The following FGF17 variants were observed in gnomAD, a reference collection of about 807,000 sequenced individuals.
FGF17 encodes fibroblast growth factor 17.
FGF17 carries 5 observed loss-of-function variants against 23.5 expected under a neutral mutation model. The observed-to-expected ratio is 0.21, with a 90% CI of 0.11 to 0.45. The LOEUF (loss-of-function observed/expected upper bound fraction) is 0.45. FGF17 is among the 20% of genes least tolerant of loss of function. FGF17 has a pLI of 0.99. For missense variants in FGF17, 221 were observed against 306.9 expected, an observed-to-expected ratio of 0.72 and a Z score of 2.09; for synonymous variants, 136 against 123.0, an observed-to-expected ratio of 1.11 and a Z score of -0.70.
At chr8:22,041,659 T>C (rs1333829638), upstream of FGF17, among the ~76,000 whole-genome samples, 1 of 152,186 alleles carries the variant, frequency 6.6e-6, no homozygotes, top group Non-Finnish European at 1.5e-5. Context: ...ATCCCTACAA[T>C]GAAGCAGGTT....
In FGF17 at chr8:22,043,157, G is replaced by A. The variant is rs1800770803; in HGVS notation, c.48G>A (p.Leu16=). ...TCTCCCCACACAGGTGCTTACAGCTGCTGATTCTCTGCTGTCAAACTCAGG... is the reference window on the plus strand; with the variant it reads ...TCTCCCCACACAGGTGCTTACAGCTACTGATTCTCTGCTGTCAAACTCAGG... ...LLPNLTLCLQ[L]LILCCQTQGE... The change falls in exon 2 of 5, where the codon CTG becomes CTA. Residue 16 remains leucine (L), a synonymous_variant. Transcript: ENST00000359441. The A allele has an allele frequency of 2.5e-6, 4 of 1,613,880 alleles. No individual in the cohort carries two copies. Among genetic ancestry groups the A allele is most frequent in the Non-Finnish European group, 2.5e-6 (3 of 1,180,018 alleles).
chr8:22,046,082 T>C (rs780279511), intron 2 of FGF17, 32 bp from the exon 3 acceptor site: 20 of 1,613,968 alleles, frequency 1.2e-5, no homozygotes, highest in African/African-American at 2.7e-5. Flanking sequence ...CCAAAGCAAA[T>C]TGACACTATT....
chr8:22,047,565 C>T (rs1800944003), intron 4 of FGF17, among the ~76,000 whole-genome samples: 1 of 152,196 alleles, frequency 6.6e-6, no homozygotes, highest in Non-Finnish European at 1.5e-5. Context: ...GCACTGGCAC[C>T]CTTCTTTCTT....
At position 22,043,175 on chromosome 8, in the gene FGF17, A is replaced by C. The variant is rs754914249; in HGVS notation, c.66A>C (p.Gln22His). ...LCLQLLILCC[Q>H]TQGENHPSPN... ...TACAGCTGCTGATTCTCTGCTGTCA[A>C]ACTCAGGTAGGCGGGCATTCCCACC... is the stretch of plus-strand genomic sequence containing the variant. The change falls in exon 2 of 5, where the codon CAA (glutamine) becomes CAC (histidine). Residue 22 changes from glutamine to histidine, a missense_variant. Physicochemically the swap from Gln to His is conservative, Grantham distance 24 (BLOSUM62 0). Coordinates refer to ENST00000359441, the MANE Select transcript of FGF17 (RefSeq NM_003867.4). 3.3e-5 allele frequency: 53 copies of C among 1,613,586 alleles called. 1 individual carries two copies. In the South Asian group the frequency reaches 5.7e-4, roughly 17 times the overall value.
At chr8:22,042,805 C>A (rs541682269), upstream of FGF17, 2 of 910,200 alleles carry the variant, frequency 2.2e-6, no homozygotes, top group South Asian at 2.9e-5. Flanking sequence ...CTCCTCCTCG[C>A]CCCCCTGAAA....
chr8:22,042,949 G>A lies in FGF17; in HGVS notation c.21G>A (p.Leu7=). The A allele has an allele frequency of 6.2e-7, 1 of 1,613,408 alleles. No homozygotes were observed. Among genetic ancestry groups the A allele is most frequent in the Non-Finnish European group, 8.5e-7 (1 of 1,179,782 alleles). Residue 7 remains leucine, a synonymous_variant, in exon 1 of 5, where the codon CTG becomes CTA. Transcript: ENST00000359441. MGAARL[L]PNLTLCLQLL... is the part of the protein sequence containing the mutation. The stretch of plus-strand genomic sequence containing the variant: ...CAGCGATGGGAGCCGCCCGCCTGCT[G>A]CCCAACCTCACTCTGTAAGTGTGCT...
At chr8:22,045,862 C>T (rs1800853340) in intron 2 of FGF17, 1 of 1,399,640 alleles carries the variant, frequency 7.1e-7, no homozygotes, top group African/African-American at 1.4e-5. Context: ...GATTCCAGGG[C>T]TGTGCTCTGT....
At position 22,043,192 on chromosome 8, in the gene FGF17, A is replaced by C. The variant is rs190030914; in HGVS notation, c.72+11A>C. ...TGCTGTCAAACTCAGGTAGGCGGGC[A>C]TTCCCACCGGCTTTCCCCCAATTTT... On this transcript the variant is annotated intron_variant, in intron 2 of 4. Coordinates refer to ENST00000359441, the MANE Select transcript of FGF17 (RefSeq NM_003867.4). 9.3e-6 allele frequency: 15 copies of C among 1,613,080 alleles called. No homozygotes were observed. In the African/African-American group the frequency reaches 2.0e-4, roughly 21 times the overall value.
intron 2 of FGF17, chr8:22,045,883 C>A: frequency 7.0e-7 from 1 of 1,432,966 alleles, no homozygotes; most frequent in East Asian, 2.6e-5. Context: ...CAATAAGTGT[C>A]CCCCAGCCTG....
At chr8:22,045,024 T>A (rs1324901438) in intron 2 of FGF17, 1 of 985,440 alleles carries the variant, frequency 1.0e-6, no homozygotes, top group Non-Finnish European at 1.2e-6. Context: ...AAAAGGTACA[T>A]TCTCATGCTA....
At chr8:22,045,701 T>A in intron 2 of FGF17, 1 of 1,108,290 alleles carries the variant, frequency 9.0e-7, no homozygotes, top group Non-Finnish European at 1.1e-6. Context: ...ATGGAGCATG[T>A]CCTTGGAGTT....
upstream of FGF17, chr8:22,042,541 C>T (rs1800755158): frequency 2.9e-6 from 1 of 339,166 alleles, no homozygotes. Flanking sequence ...CGAGTTTGGC[C>T]AGTCTGTGAG....
intron 2 of FGF17, chr8:22,044,830 GGT>G: frequency 1.0e-6 from 1 of 985,562 alleles, no homozygotes; most frequent in South Asian, 4.7e-5. Context: ...CTGCCTCAAA[GGT>G]GATATTTCCC....
At position 22,046,272 on chromosome 8, in the gene FGF17, C is replaced by A. The variant is rs566797798; in HGVS notation, c.231C>A (p.Ala77=). The part of the protein sequence containing the change: ...QVTGRRISAT[A]EDGNKFAKLI... Reference sequence around the variant, plus strand: ...CCGGGCGTCGCATCTCCGCCACCGCCGAGGACGGCAACAAGTTTGGTGAGA... The same window carrying A: ...CCGGGCGTCGCATCTCCGCCACCGCAGAGGACGGCAACAAGTTTGGTGAGA... The change falls in exon 3 of 5, where the codon GCC becomes GCA. Residue 77 remains alanine, a synonymous_variant. Transcript: ENST00000359441. 3.7e-6 allele frequency: 6 copies of A among 1,613,478 alleles called. No homozygotes were observed. The highest frequency in any genetic ancestry group is 2.7e-5 in the African/African-American group (2 of 74,952).
chr8:22,041,946 A>G (rs1800746264), upstream of FGF17, among the ~76,000 whole-genome samples: 1 of 152,224 alleles, frequency 6.6e-6, no homozygotes, highest in Non-Finnish European at 1.5e-5. Context: ...CTCCTAGCTC[A>G]GAGAGGCTCT....
chr8:22,048,162 C>G lies in FGF17; in HGVS notation c.564C>G (p.His188Gln), dbSNP rs772209521. The change falls in exon 5 of 5, where the codon CAC becomes CAG. Residue 188 changes from histidine (H) to glutamine (Q), a missense_variant. His to Gln is a conservative substitution (Grantham distance 24). Coordinates refer to ENST00000359441, the MANE Select transcript of FGF17 (RefSeq NM_003867.4). The surrounding 1 kb of genome is among the most constrained non-coding windows in gnomAD (Gnocchi z 6.9). ...LYQGQLPFPN[H>Q]AEKQKQFEFV... is the part of the protein sequence containing the mutation. ...AAGGCCAGCTGCCCTTCCCCAACCA[C>G]GCCGAGAAGCAGAAGCAGTTCGAGT... The G allele has an allele frequency of 1.9e-6, 3 of 1,613,166 alleles. No homozygotes were observed. The highest frequency in any genetic ancestry group is 1.3e-5 in the African/African-American group (1 of 74,938).
intron 2 of FGF17, among the ~76,000 whole-genome samples, chr8:22,043,926 A>G (rs1320034426): frequency 6.6e-6 from 1 of 151,996 alleles, no homozygotes; most frequent in Non-Finnish European, 1.5e-5. Context: ...GCTTCTCTTC[A>G]TATCCAGTGG....
chr8:22,043,237 G>T, intron 2 of FGF17, 56 bp downstream of exon 2: 1 of 1,558,262 alleles, frequency 6.4e-7, no homozygotes, highest in East Asian at 2.2e-5. Flanking sequence ...CCTGACCAGG[G>T]CGGGTGCAAG....
chr8:22,045,654 T>G (rs549170161), intron 2 of FGF17: 250 of 1,067,680 alleles, frequency 2.3e-4, no homozygotes, highest in Non-Finnish European at 2.7e-4. Flanking sequence ...TCAAGGCCAG[T>G]GGGGAGGATG....
Sources: gnomAD v4.1 joint callset for allele counts (sites outside exome capture counted in the v4.1 genomes callset) on GRCh38, gnomAD v4.1.1 for gene constraint, Gnocchi (gnomAD v3.1) non-coding constraint, MANE v1.5 for transcripts, NCBI Gene and HGNC (gene_info 2026-07-23, HGNC 2026-07-21) for gene names.